The following GABRG3 variants were observed in gnomAD, a reference collection of about 807,000 sequenced individuals.
The protein encoded by GABRG3 is gamma-aminobutyric acid type A receptor subunit gamma3.
A neutral mutation model predicts 48.8 loss-of-function variants in GABRG3; 25 were observed. The ratio of observed to expected loss-of-function variants is 0.51; its 90% CI spans 0.37 to 0.72. The LOEUF (loss-of-function observed/expected upper bound fraction) is 0.72, where lower values mean the gene tolerates loss of function less well. GABRG3 is among the 30% of genes least tolerant of loss of function. The pLI is 0.00. For missense variants in GABRG3, 394 were observed against 577.9 expected, an observed-to-expected ratio of 0.68 and a Z score of 3.26; for synonymous variants, 227 against 217.6, an observed-to-expected ratio of 1.04 and a Z score of -0.38.
chr15:27,431,946 T>C (rs552524154), intron 5 of GABRG3, among the ~76,000 whole-genome samples: 2 of 152,202 alleles, frequency 1.3e-5, no homozygotes, highest in African/African-American at 4.8e-5. Context: ...TTTTTGTGTA[T>C]TTCCCAAATT....
chr15:27,121,396 A>G (rs1046580030), intron 3 of GABRG3, among the ~76,000 whole-genome samples: 47 of 152,326 alleles, frequency 3.1e-4, no homozygotes, highest in African/African-American at 1.0e-3. Context: ...GAGGGGCTCA[A>G]CTTCCCTTCG....
intron 9 of GABRG3, among the ~76,000 whole-genome samples, chr15:27,530,196 C>G (rs1891388832): frequency 6.6e-6 from 1 of 152,192 alleles, no homozygotes; most frequent in Non-Finnish European, 1.5e-5. Flanking sequence ...GTTCCAATTG[C>G]TCTGTGCCCC....
intron 3 of GABRG3, among the ~76,000 whole-genome samples, chr15:27,051,999 C>T (rs1000590405): frequency 3.3e-5 from 5 of 152,128 alleles, no homozygotes; most frequent in African/African-American, 7.2e-5. Flanking sequence ...TGACAGGAGG[C>T]GGAGCTCAGT....
At chr15:27,320,860 TTAA>T (rs1373013751) in intron 3 of GABRG3, among the ~76,000 whole-genome samples, 1 of 152,246 alleles carries the variant, frequency 6.6e-6, no homozygotes, top group Non-Finnish European at 1.5e-5. Context: ...ATAATTTATA[TTAA>T]TGTTATAATT....
At chr15:27,387,877 G>A (rs1490135326) in intron 5 of GABRG3, among the ~76,000 whole-genome samples, 5 of 77,416 alleles carry the variant, frequency 6.5e-5, no homozygotes, top group Non-Finnish European at 5.5e-5. Flanking sequence ...GAGGGAGGGA[G>A]GGAGGGGAAG....
At chr15:27,049,921 C>T (rs1435648000) in intron 3 of GABRG3, among the ~76,000 whole-genome samples, 3 of 152,118 alleles carry the variant, frequency 2.0e-5, no homozygotes, top group East Asian at 3.9e-4. Flanking sequence ...CTCTTGTGGA[C>T]GGGCTGATTG....
chr15:27,527,741 A>T, intron 8 of GABRG3, 112 bp downstream of exon 8: 1 of 1,128,316 alleles, frequency 8.9e-7, no homozygotes. Context: ...TGATACAAAT[A>T]CCCAGTTCAA....
chr15:27,311,359 G>A (rs1341068390), intron 3 of GABRG3, among the ~76,000 whole-genome samples: 1 of 152,092 alleles, frequency 6.6e-6, no homozygotes, highest in East Asian at 1.9e-4. Flanking sequence ...TTTTCCTTGG[G>A]GAGGGAAAAA....
At chr15:27,208,018 G>T (rs1344357109) in intron 3 of GABRG3, 2 of 152,694 alleles carry the variant, frequency 1.3e-5, no homozygotes, top group African/African-American at 4.8e-5. Flanking sequence ...TCAGGGTACA[G>T]TGTCACAGGA....
intron 3 of GABRG3, among the ~76,000 whole-genome samples, chr15:27,313,606 A>G (rs1406424544): frequency 6.6e-6 from 1 of 151,910 alleles, no homozygotes. Flanking sequence ...GTCTCAACAA[A>G]TTAAGAAGAA....
chr15:27,134,632 A>G (rs1336618626), intron 3 of GABRG3, among the ~76,000 whole-genome samples: 1 of 151,904 alleles, frequency 6.6e-6, no homozygotes, highest in Non-Finnish European at 1.5e-5. Context: ...CCTAGTGTTC[A>G]CTGTCCTCCT....
chr15:27,016,220 TTTTC>T (rs751111167), intron 2 of GABRG3, among the ~76,000 whole-genome samples: 21 of 148,278 alleles, frequency 1.4e-4, no homozygotes, highest in East Asian at 7.8e-4. Context: ...TTTCCTTCCC[TTTTC>T]TTTCTTTCTT....
At chr15:27,258,396 T>G (rs1890682854) in intron 3 of GABRG3, among the ~76,000 whole-genome samples, 1 of 152,152 alleles carries the variant, frequency 6.6e-6, no homozygotes, top group East Asian at 1.9e-4. Flanking sequence ...AAATGGCTCC[T>G]CTGTAACTCC....
intron 3 of GABRG3, among the ~76,000 whole-genome samples, chr15:27,178,975 C>A (rs1409091907): frequency 6.6e-6 from 1 of 152,130 alleles, no homozygotes; most frequent in African/African-American, 2.4e-5. Flanking sequence ...GTTTCTATGA[C>A]CTGCCTTGGG....
At chr15:27,131,918 T>C (rs1446218482) in intron 3 of GABRG3, among the ~76,000 whole-genome samples, 1 of 152,008 alleles carries the variant, frequency 6.6e-6, no homozygotes, top group East Asian at 1.9e-4. Flanking sequence ...TATTTGGCCA[T>C]TTTCATGTCT....
intron 3 of GABRG3, among the ~76,000 whole-genome samples, chr15:27,112,032 G>A (rs530172021): frequency 2.0e-5 from 3 of 152,286 alleles, no homozygotes; most frequent in African/African-American, 7.2e-5. Flanking sequence ...CTGGTGGAAC[G>A]CTTGAAGAAA....
intron 3 of GABRG3, among the ~76,000 whole-genome samples, chr15:27,185,477 A>G (rs1449052551): frequency 6.6e-6 from 1 of 152,162 alleles, no homozygotes; most frequent in African/African-American, 2.4e-5. Flanking sequence ...CTTGGTAAAT[A>G]TTTTACACAT....
chr15:27,498,769 G>T (rs1566867870), intron 6 of GABRG3, among the ~76,000 whole-genome samples: 1 of 151,996 alleles, frequency 6.6e-6, no homozygotes, highest in Non-Finnish European at 1.5e-5. Flanking sequence ...GCCTCCCAAA[G>T]TGCTGAGATT....
chr15:27,232,604 C>A (rs992607888), intron 3 of GABRG3, among the ~76,000 whole-genome samples: 1 of 152,184 alleles, frequency 6.6e-6, no homozygotes, highest in Non-Finnish European at 1.5e-5. Context: ...GTTCTGAGTG[C>A]TGGGACTAGA....
Sources: gnomAD v4.1 joint callset for allele counts (sites outside exome capture counted in the v4.1 genomes callset) on GRCh38, gnomAD v4.1.1 for gene constraint, MANE v1.5 for transcripts, NCBI Gene and HGNC (gene_info 2026-07-23, HGNC 2026-07-21) for gene names.